The following CCDC171 variants were observed in gnomAD, a reference collection of about 807,000 sequenced individuals.
The protein encoded by CCDC171 is coiled-coil domain containing 171.
A neutral mutation model predicts 168.2 loss-of-function variants in CCDC171; 177 were observed. The observed-to-expected ratio is 1.05, with a 90% CI of 0.93 to 1.19. The LOEUF is 1.19. Among genes scored for constraint, CCDC171 ranks in the 50% most tolerant of loss-of-function variants. The pLI, the probability that CCDC171 is intolerant of heterozygous loss-of-function variation, is 0.00. For missense variants in CCDC171, 1,991 were observed against 1,539.0 expected (o/e 1.29, Z -4.91); for synonymous variants, 687 against 540.8 (o/e 1.27, Z -3.75).
At chr9:15,981,993 G>A (rs1440878328) in intron 3 of CCDC171, among the ~76,000 whole-genome samples, 1 of 152,120 alleles carries the variant, frequency 6.6e-6, no homozygotes, top group Non-Finnish European at 1.5e-5. Context: ...CTTCTGTTAA[G>A]AGTCTCTAAG....
At chr9:15,777,168 G>A (rs2057372144) in intron 18 of CCDC171, among the ~76,000 whole-genome samples, 1 of 152,132 alleles carries the variant, frequency 6.6e-6, no homozygotes, top group South Asian at 2.1e-4. Context: ...AAATCCTGTG[G>A]GGAAATAAGT....
At chr9:16,046,802 C>T (rs1021345703) in intron 1 of CCDC171, among the ~76,000 whole-genome samples, 10 of 152,202 alleles carry the variant, frequency 6.6e-5, no homozygotes, top group Non-Finnish European at 1.5e-4. Context: ...CCACGTGGAG[C>T]TGTGAGTCCA....
chr9:15,804,802 A>G lies in CCDC171; in HGVS notation c.3267+20108A>G, dbSNP rs116794039. ...TACTGGGAGGAATCTCTCCTCCTCA[A>G]TTTTTGGAATAGTTTCAGTGGGAAT... is the stretch of plus-strand genomic sequence containing the variant. On this transcript the variant is annotated intron_variant, in intron 21 of 25. Transcript: ENST00000380701. Among the ~76,000 whole-genome samples the G allele has an allele frequency of 5.0e-3, 758 of 151,578 alleles. 7 individuals are homozygous for G. The highest frequency in any genetic ancestry group is 0.018 in the African/African-American group (741 of 41,456).
intron 11 of CCDC171, among the ~76,000 whole-genome samples, chr9:15,705,525 C>G (rs907309814): frequency 1.3e-5 from 2 of 152,210 alleles, no homozygotes; most frequent in Non-Finnish European, 2.9e-5. Context: ...ACCATTCCTT[C>G]TACCCAGAAA....
chr9:15,861,203 C>T (rs1321618007), intron 23 of CCDC171, among the ~76,000 whole-genome samples: 1 of 116,434 alleles, frequency 8.6e-6, no homozygotes, highest in Non-Finnish European at 1.8e-5. Flanking sequence ...TCATAGACAG[C>T]GTATAGTTGG....
intron 6 of CCDC171, among the ~76,000 whole-genome samples, chr9:15,622,815 G>C (rs2044608331): frequency 6.6e-6 from 1 of 152,182 alleles, no homozygotes; most frequent in South Asian, 2.1e-4. Flanking sequence ...AATTTTAAAA[G>C]CTGTAAGCAT....
chr9:15,873,158 T>G (rs770490973), intron 23 of CCDC171, among the ~76,000 whole-genome samples: 10 of 152,078 alleles, frequency 6.6e-5, no homozygotes, highest in Non-Finnish European at 1.5e-4. Flanking sequence ...GCCCATAGAT[T>G]AGCGTGAACA....
intron 22 of CCDC171, among the ~76,000 whole-genome samples, chr9:15,848,649 A>G (rs2061001630): frequency 6.6e-6 from 1 of 151,800 alleles, no homozygotes; most frequent in Non-Finnish European, 1.5e-5. Context: ...AGGACAGGCA[A>G]CAAAATTTAA....
chr9:15,956,111 T>C (rs1184751208), intron 25 of CCDC171, among the ~76,000 whole-genome samples: 1 of 152,166 alleles, frequency 6.6e-6, no homozygotes, highest in Non-Finnish European at 1.5e-5. Context: ...GTGTTCAATA[T>C]AACAAATTTG....
chr9:16,080,384 C>T, the CCDC171 span, among the ~76,000 whole-genome samples: 1 of 152,068 alleles, frequency 6.6e-6, no homozygotes, highest in Non-Finnish European at 1.5e-5. Context: ...GTATTATATT[C>T]CAATATTTTA....
intron 24 of CCDC171, among the ~76,000 whole-genome samples, chr9:15,907,492 C>T (rs1294594614): frequency 1.3e-5 from 2 of 152,080 alleles, no homozygotes; most frequent in Admixed American, 6.6e-5. Flanking sequence ...CCTTACACCT[C>T]ATACAAAAAT....
chr9:15,790,274 T>G (rs1340525687), intron 21 of CCDC171, among the ~76,000 whole-genome samples: 8 of 152,226 alleles, frequency 5.3e-5, no homozygotes, highest in Non-Finnish European at 1.2e-4. Context: ...GTTTCCTTTT[T>G]AATGATTGCC....
At chr9:15,783,077 TA>T (rs2057748626) in intron 20 of CCDC171, among the ~76,000 whole-genome samples, 3 of 152,186 alleles carry the variant, frequency 2.0e-5, no homozygotes, top group Admixed American at 2.0e-4. Context: ...AATGCACCCT[TA>T]AAAAGAGAAA....
intron 3 of CCDC171, among the ~76,000 whole-genome samples, chr9:15,576,466 G>C (rs534747090): frequency 6.6e-6 from 1 of 152,058 alleles, no homozygotes; most frequent in Non-Finnish European, 1.5e-5. Context: ...GGGATTGCAG[G>C]AGTGAGCCAC....
chr9:15,791,312 C>T (rs1407173796), intron 21 of CCDC171, among the ~76,000 whole-genome samples: 1 of 152,088 alleles, frequency 6.6e-6, no homozygotes, highest in Non-Finnish European at 1.5e-5. Context: ...AGGTCCTTCA[C>T]ATCCCTTGTA....
intron 6 of CCDC171, among the ~76,000 whole-genome samples, chr9:15,616,076 G>C (rs931658734): frequency 1.3e-5 from 2 of 152,042 alleles, no homozygotes; most frequent in Non-Finnish European, 2.9e-5. Context: ...TCAGCCTCCC[G>C]AATAGCTGGG....
At chr9:16,060,318 G>A (rs989261516) in intron 1 of CCDC171, among the ~76,000 whole-genome samples, 4 of 152,204 alleles carry the variant, frequency 2.6e-5, no homozygotes, top group Non-Finnish European at 5.9e-5. Context: ...AAAACGGAGC[G>A]ATGACCGTGA....
rs773612903 is a variant in CCDC171, at chr9:15,920,390, G to A, written c.3721G>A (p.Ala1241Thr). ...IAALKSELHT[A>T]CLRENASLQS... is the part of the protein sequence containing the mutation. ...AGCCTTGAAATCAGAACTTCACACAGCTTGTTTACGTGAAAATGCAAGTTT... is the reference window on the plus strand; with the variant it reads ...AGCCTTGAAATCAGAACTTCACACAACTTGTTTACGTGAAAATGCAAGTTT... Residue 1241 changes from alanine (A) to threonine (T), a missense_variant, in exon 25 of 26, where the codon GCT (alanine) becomes ACT (threonine). Transcript: ENST00000380701. The A allele has an allele frequency of 1.2e-6, 2 of 1,607,332 alleles. No homozygotes were observed. Among genetic ancestry groups the A allele is most frequent in the South Asian group, 1.1e-5 (1 of 90,174 alleles).
At chr9:15,844,209 G>A (rs1303335760) in intron 21 of CCDC171, among the ~76,000 whole-genome samples, 1 of 151,910 alleles carries the variant, frequency 6.6e-6, no homozygotes, top group Non-Finnish European at 1.5e-5. Context: ...AGTCCATAAA[G>A]TTTATCATGG....
Sources: gnomAD v4.1 joint callset for allele counts (sites outside exome capture counted in the v4.1 genomes callset) on GRCh38, gnomAD v4.1.1 for gene constraint, MANE v1.5 for transcripts, NCBI Gene and HGNC (gene_info 2026-07-23, HGNC 2026-07-21) for gene names.